The following TBC1D5 variants were observed in gnomAD, a reference collection of about 807,000 sequenced individuals.
TBC1D5 encodes the protein TBC1 domain family, member 5.
TBC1D5 carries 75 observed loss-of-function variants against 100.3 expected under a neutral mutation model. The observed-to-expected ratio is 0.75, with a 90% CI of 0.62 to 0.91. The LOEUF (loss-of-function observed/expected upper bound fraction) is 0.91. TBC1D5 is among the 40% of genes least tolerant of loss of function. The probability of loss-of-function intolerance (pLI) is 0.00; values close to 1 mark genes in which losing one functional copy is unlikely to be tolerated. For missense variants in TBC1D5, 910 were observed against 942.4 expected (o/e 0.97, Z 0.45); for synonymous variants, 323 against 325.6 (o/e 0.99, Z 0.09).
intron 18 of TBC1D5, among the ~76,000 whole-genome samples, chr3:17,197,605 C>T (rs1279741031): frequency 6.6e-6 from 1 of 152,140 alleles, no homozygotes; most frequent in Non-Finnish European, 1.5e-5. Context: ...CTCCTGGCCT[C>T]AAGCAATCCT....
At chr3:17,174,645 G>C (rs1009535768) in intron 19 of TBC1D5, among the ~76,000 whole-genome samples, 8 of 152,150 alleles carry the variant, frequency 5.3e-5, no homozygotes, top group Non-Finnish European at 1.2e-4. Context: ...CCAGGCTGGA[G>C]TGCAGTGGCA....
intron 20 of TBC1D5, 28 bp from the exon 22 acceptor site, chr3:17,166,956 GA>G (rs781376647): frequency 1.9e-6 from 3 of 1,566,456 alleles, no homozygotes; most frequent in African/African-American, 2.8e-5. Flanking sequence ...GAAAATAAAT[GA>G]AAAAAATGGA....
intron 17 of TBC1D5, among the ~76,000 whole-genome samples, chr3:17,216,299 G>A (rs2126028399): frequency 6.6e-6 from 1 of 152,146 alleles, no homozygotes; most frequent in South Asian, 2.1e-4. Flanking sequence ...GGAATAAATG[G>A]TCTACCCATT....
chr3:17,381,917 T>C (rs2092961253), intron 9 of TBC1D5, among the ~76,000 whole-genome samples: 1 of 152,064 alleles, frequency 6.6e-6, no homozygotes, highest in Non-Finnish European at 1.5e-5. Context: ...CACGTCAATA[T>C]CCTTTTCTTT....
intron 1 of TBC1D5, among the ~76,000 whole-genome samples, chr3:17,644,998 G>A (rs935080226): frequency 2.0e-5 from 3 of 152,092 alleles, no homozygotes; most frequent in Admixed American, 2.0e-4. Context: ...TTATTTAAGA[G>A]TCTTAACTAT....
intron 15 of TBC1D5, among the ~76,000 whole-genome samples, chr3:17,287,277 C>T (rs2081275483): frequency 6.6e-6 from 1 of 152,148 alleles, no homozygotes; most frequent in Admixed American, 6.5e-5. Flanking sequence ...ATCATTATTT[C>T]CTTTATACCA....
chr3:17,160,468 A>G (rs1042557027), exon 22 of TBC1D5: 3 of 155,236 alleles, frequency 1.9e-5, no homozygotes, highest in Non-Finnish European at 4.3e-5. Flanking sequence ...ATGCAGGAAT[A>G]AAGTAGGCTG....
intron 17 of TBC1D5, among the ~76,000 whole-genome samples, chr3:17,232,774 C>G (rs1011143380): frequency 6.6e-6 from 1 of 152,012 alleles, no homozygotes; most frequent in African/African-American, 2.4e-5. Context: ...TCCACCCCCC[C>G]TAAAAAAATG....
intron 18 of TBC1D5, among the ~76,000 whole-genome samples, chr3:17,199,944 G>C (rs2071251826): frequency 6.6e-6 from 1 of 152,166 alleles, no homozygotes. Context: ...TTAAAGGTGA[G>C]AAAAGTAGAG....
chr3:17,643,970 A>C lies in TBC1D5; in HGVS notation c.-100-20057T>G, dbSNP rs1174400919. 7 of 152,130 alleles carry C rather than the reference A, an allele frequency of 4.6e-5. No individual in the cohort carries two copies. In the East Asian group the frequency reaches 1.3e-3, roughly 29 times the overall value. 9.4% of individuals were successfully genotyped at this position (152,130 alleles called of 1,614,324 possible). On this transcript the variant is annotated intron_variant, in intron 1 of 21. Transcript: ENST00000253692. ...AGGAACCAAAACAACGAGGATAGCAAATATTCTGCCCCTGCAAATCTGATC... is the reference window on the plus strand; with the variant it reads ...AGGAACCAAAACAACGAGGATAGCACATATTCTGCCCCTGCAAATCTGATC...
intron 13 of TBC1D5, among the ~76,000 whole-genome samples, chr3:17,334,757 C>G: frequency 6.6e-6 from 1 of 152,116 alleles, no homozygotes; most frequent in East Asian, 1.9e-4. Flanking sequence ...GGTAAGTCAA[C>G]TTTAGATATA....
intron 1 of TBC1D5, among the ~76,000 whole-genome samples, chr3:17,676,820 C>G (rs1292912328): frequency 1.3e-5 from 2 of 152,156 alleles, no homozygotes; most frequent in East Asian, 3.8e-4. Context: ...ACCAATGGAA[C>G]AGAACAGAGG....
At chr3:17,413,274 A>T (rs6442681) in intron 4 of TBC1D5, among the ~76,000 whole-genome samples, 61,710 of 152,050 alleles carry the variant, frequency 0.41, 13,200 homozygotes, top group Middle Eastern at 0.46. Context: ...GCTGAGAAGG[A>T]CTCTGAGCTT....
chr3:17,194,518 A>T (rs1185219198), intron 18 of TBC1D5, among the ~76,000 whole-genome samples: 1 of 152,204 alleles, frequency 6.6e-6, no homozygotes, highest in Non-Finnish European at 1.5e-5. Context: ...AAACAAGTGA[A>T]ATATGAATTA....
intron 18 of TBC1D5, among the ~76,000 whole-genome samples, chr3:17,186,014 A>G (rs1017511972): frequency 2.6e-5 from 4 of 151,144 alleles, no homozygotes; most frequent in African/African-American, 9.7e-5. Flanking sequence ...TTTCCCAAGG[A>G]AATTTGGAAG....
chr3:17,465,222 C>G (rs1483719839), intron 3 of TBC1D5: 1 of 155,052 alleles, frequency 6.4e-6, no homozygotes, highest in African/African-American at 2.4e-5. Flanking sequence ...TCAACATTCA[C>G]AAGTGCATCC....
intron 3 of TBC1D5, among the ~76,000 whole-genome samples, chr3:17,500,924 A>G (rs1483505700): frequency 6.7e-6 from 1 of 149,242 alleles, no homozygotes; most frequent in Non-Finnish European, 1.5e-5. Context: ...CTTTTTTTTG[A>G]ACAGCTTAAT....
At chr3:17,664,590 A>G (rs774776941) in intron 1 of TBC1D5, among the ~76,000 whole-genome samples, 2 of 152,170 alleles carry the variant, frequency 1.3e-5, no homozygotes, top group African/African-American at 2.4e-5. Flanking sequence ...GGGACAGACA[A>G]AAAGAGAGGC....
intron 15 of TBC1D5, among the ~76,000 whole-genome samples, chr3:17,277,375 C>T (rs889732432): frequency 1.3e-5 from 2 of 152,054 alleles, no homozygotes; most frequent in African/African-American, 4.8e-5. Context: ...TTCTTACTGT[C>T]TTTCACATGG....
Sources: gnomAD v4.1 joint callset for allele counts (sites outside exome capture counted in the v4.1 genomes callset) on GRCh38, gnomAD v4.1.1 for gene constraint, MANE v1.5 for transcripts, NCBI Gene and HGNC (gene_info 2026-07-23, HGNC 2026-07-21) for gene names.